Variants in SKOR1 observed in about 807,000 individuals in gnomAD.
SKOR1 encodes the protein SKI family transcriptional corepressor 1, also known as LBX1 corepressor 1.
SKOR1 carries 38 observed loss-of-function variants against 72.4 expected under a neutral mutation model. The observed-to-expected ratio is 0.52, with a 90% CI of 0.40 to 0.69. SKOR1 has a LOEUF of 0.69. SKOR1 is among the 30% of genes least tolerant of loss of function. The pLI, the probability that SKOR1 is intolerant of heterozygous loss-of-function variation, is 0.00. For missense variants in SKOR1, 1,320 were observed against 1,343.2 expected (o/e 0.98, Z 0.27); for synonymous variants, 642 against 599.4 (o/e 1.07, Z -1.04).
chr15:67,830,119 C>A, intron 3 of SKOR1, 72 bp from the exon 4 acceptor site: 1 of 1,512,044 alleles, frequency 6.6e-7, no homozygotes, highest in Non-Finnish European at 9.2e-7. Flanking sequence ...GGCGCCCCGA[C>A]CGCGGCAGCT....
At chr15:67,828,882 G>T (rs927773138) in intron 2 of SKOR1, among the ~76,000 whole-genome samples, 1 of 152,236 alleles carries the variant, frequency 6.6e-6, no homozygotes, top group African/African-American at 2.4e-5. Flanking sequence ...GGGCACTGGC[G>T]GGAGGGAAAA....
rs780509897 is a variant in SKOR1, at chr15:67,827,113, G to A, written c.1285G>A (p.Gly429Ser). ...PKGGPGTGSG[G>S]GGAGTGGGAG... is the part of the protein sequence containing the mutation. The stretch of plus-strand genomic sequence containing the variant: ...GGGCGGTCCTGGCACTGGGAGCGGC[G>A]GCGGCGGCGCGGGGACAGGCGGGGG... Residue 429 changes from glycine to serine, a missense_variant, in exon 2 of 9, where the codon GGC becomes AGC. Gly to Ser is a moderately conservative substitution (Grantham distance 56). Transcript: ENST00000380035. 2 of 1,426,622 alleles carry A rather than the reference G, an allele frequency of 1.4e-6. No homozygotes were observed. The highest frequency in any genetic ancestry group is 2.7e-5 in the East Asian group (1 of 37,280). The allele number at this position is 1,426,622 out of a possible 1,614,324, so 88.4% of individuals were successfully genotyped here. A position where few individuals can be genotyped will look rare whatever the true frequency, so the allele number is the denominator to read the frequency against.
rs2090960580 is a variant in SKOR1, at chr15:67,826,670, C to A, written c.842C>A (p.Ser281Tyr). ...GGCGGCACGCGCAAGCGGACCTTCTCCCTACAAGGAGGCGGCGGAGGCGGT... is the reference window on the plus strand; with the variant it reads ...GGCGGCACGCGCAAGCGGACCTTCTACCTACAAGGAGGCGGCGGAGGCGGT... Reference protein sequence around the residue: ...FNGGTRKRTFSLQGGGGGGAN... With the variant: ...FNGGTRKRTFYLQGGGGGGAN... The change falls in exon 2 of 9, where the codon TCC becomes TAC. Residue 281 changes from serine to tyrosine, a missense_variant. Coordinates refer to ENST00000380035, the MANE Select transcript of SKOR1 (RefSeq NM_001365915.1). 1.3e-6 allele frequency: 2 copies of A among 1,598,134 alleles called. No individual in the cohort carries two copies. Among genetic ancestry groups the A allele is most frequent in the East Asian group, 2.3e-5 (1 of 43,984 alleles).
chr15:67,832,720 A>G lies in SKOR1; in HGVS notation c.2737+39A>G. ...CAGGTGAGCTCGTGCACGGGCCGTAACTGCCTCTCGTCTGGCAGGAGCCGC... is the reference window on the plus strand; with the variant it reads ...CAGGTGAGCTCGTGCACGGGCCGTAGCTGCCTCTCGTCTGGCAGGAGCCGC... On this transcript the variant is annotated intron_variant, in intron 7 of 8. Transcript: ENST00000380035. The surrounding 1 kb of genome is among the most constrained non-coding windows in gnomAD (Gnocchi z 4.5). 6.4e-7 allele frequency: 1 copy of G among 1,556,106 alleles called. No homozygotes were observed. Among genetic ancestry groups the G allele is most frequent in the Non-Finnish European group, 8.9e-7 (1 of 1,127,708 alleles).
At position 67,827,482 on chromosome 15, in the gene SKOR1, C is replaced by A. The variant is rs762082299; in HGVS notation, c.1654C>A (p.Arg552Ser). The change falls in exon 2 of 9, where the codon CGC becomes AGC. Residue 552 changes from arginine (R) to serine (S), a missense_variant. By Grantham distance (110) the Arg-to-Ser change is moderately radical. Transcript: ENST00000380035. ...AKESGLGAEE[R>S]CPSALSRGPL... ...AGAGAGTGGCCTCGGCGCGGAGGAG[C>A]GCTGCCCGAGCGCTCTGTCCCGCGG... The A allele has an allele frequency of 7.2e-6, 11 of 1,521,610 alleles. No individual in the cohort carries two copies. Among genetic ancestry groups the A allele is most frequent in the South Asian group, 4.8e-5 (4 of 82,800 alleles). 94.3% of individuals were successfully genotyped at this position (1,521,610 alleles called of 1,614,324 possible). A position where few individuals can be genotyped will look rare whatever the true frequency, so the allele number is the denominator to read the frequency against.
At chr15:67,828,273 T>C in intron 2 of SKOR1, 129 bp downstream of exon 2, 2 of 1,335,278 alleles carry the variant, frequency 1.5e-6, no homozygotes, top group African/African-American at 3.1e-5. Flanking sequence ...TCGGCCACTC[T>C]CCGCAGGCCC....
Position 67,825,854 on chromosome 15 carries a change from GGA to G in SKOR1, c.108-80_108-79del. 6.6e-7 allele frequency: 1 copy of G among 1,514,324 alleles called. No individual in the cohort carries two copies. Among genetic ancestry groups the G allele is most frequent in the Non-Finnish European group, 8.8e-7 (1 of 1,138,506 alleles). 93.8% of individuals were successfully genotyped at this position (1,514,324 alleles called of 1,614,324 possible). A position where few individuals can be genotyped will look rare whatever the true frequency, so the allele number is the denominator to read the frequency against. ...CAAGTATCCCCCGCGCGCCCAACTC[GGA>G]GCGCCCTGCTGGGCGGGCCCGAGCC... On this transcript the variant is annotated intron_variant, in intron 1 of 8. Coordinates refer to ENST00000380035, the MANE Select transcript of SKOR1 (RefSeq NM_001365915.1). This position sits in a 1 kb window ranked among gnomAD's most constrained non-coding sequence, Gnocchi z 5.6.
At position 67,827,483 on chromosome 15, in the gene SKOR1, G is replaced by C. The variant is rs1159639140; in HGVS notation, c.1655G>C (p.Arg552Pro). The C allele has an allele frequency of 6.6e-7, 1 of 1,521,316 alleles. No homozygotes were observed. Among genetic ancestry groups the C allele is most frequent in the African/African-American group, 1.4e-5 (1 of 70,516 alleles). The allele number at this position is 1,521,316 out of a possible 1,614,324, so 94.2% of individuals were successfully genotyped here. A position where few individuals can be genotyped will look rare whatever the true frequency, so the allele number is the denominator to read the frequency against. The change falls in exon 2 of 9, where the codon CGC (arginine) becomes CCC (proline). Residue 552 changes from arginine (R) to proline (P), a missense_variant. Physicochemically the swap from Arg to Pro is moderately radical, Grantham distance 103. This residue lies in a region of SKOR1 where 1,099 missense variants were observed against 1,025.5 expected (regional missense o/e 1.07). Transcript: ENST00000380035. ...GAGAGTGGCCTCGGCGCGGAGGAGC[G>C]CTGCCCGAGCGCTCTGTCCCGCGGG... The part of the protein sequence containing the change: ...AKESGLGAEE[R>P]CPSALSRGPL...
In SKOR1 at chr15:67,832,233, C is replaced by T; in HGVS notation, c.2588-41C>T. The T allele has an allele frequency of 6.3e-7, 1 of 1,596,316 alleles. No individual in the cohort carries two copies. Among genetic ancestry groups the T allele is most frequent in the South Asian group, 1.1e-5 (1 of 90,584 alleles). On this transcript the variant is annotated intron_variant, in intron 5 of 8. Transcript: ENST00000380035. The surrounding 1 kb of genome is among the most constrained non-coding windows in gnomAD (Gnocchi z 4.5). ...AGAACCTGAGCTCCAAATAACCCTG[C>T]TTTACCTCCCACTTTACCTCCCACT... is the stretch of plus-strand genomic sequence containing the variant.
chr15:67,831,924 G>C (rs1433742342), intron 5 of SKOR1, among the ~76,000 whole-genome samples: 4 of 143,334 alleles, frequency 2.8e-5, no homozygotes, highest in African/African-American at 1.1e-4. Flanking sequence ...GGTCGGGGCC[G>C]GGGCGGGGGC....
At position 67,833,645 on chromosome 15, in the gene SKOR1, C is replaced by A; in HGVS notation, c.2804-97C>A. The A allele has an allele frequency of 7.7e-7, 1 of 1,303,108 alleles. No individual in the cohort carries two copies. Among genetic ancestry groups the A allele is most frequent in the Non-Finnish European group, 1.1e-6 (1 of 904,160 alleles). The allele number at this position is 1,303,108 out of a possible 1,614,324, so 80.7% of individuals were successfully genotyped here. On this transcript the variant is annotated intron_variant, in intron 8 of 8. Coordinates refer to ENST00000380035, the MANE Select transcript of SKOR1 (RefSeq NM_001365915.1). The surrounding 1 kb of genome is among the most constrained non-coding windows in gnomAD (Gnocchi z 6.0). ...CCGCTCGGTTGAGATTCCCTGACCC[C>A]AAAGGGTTGGTAAGGCCGGGGAGGG...
chr15:67,830,891 T>G lies in SKOR1; in HGVS notation c.2587+2T>G. ...AAGATATCGAGAACCTGGCCAGAGG[T>G]GAGGATAAATTTGTGAAAAAGGTGT... On this transcript the variant is annotated splice_donor_variant, in intron 5 of 8. Coordinates refer to ENST00000380035, the MANE Select transcript of SKOR1 (RefSeq NM_001365915.1). LOFTEE classifies it high-confidence loss of function. 6.2e-7 allele frequency: 1 copy of G among 1,613,684 alleles called. No homozygotes were observed. Among genetic ancestry groups the G allele is most frequent in the Non-Finnish European group, 8.5e-7 (1 of 1,179,852 alleles).
In SKOR1 at chr15:67,834,176, G is replaced by A; in HGVS notation, c.*340G>A. On this transcript the variant is annotated 3_prime_UTR_variant, in exon 9 of 9. Coordinates refer to ENST00000380035, the MANE Select transcript of SKOR1 (RefSeq NM_001365915.1). This position sits in a 1 kb window ranked among gnomAD's most constrained non-coding sequence, Gnocchi z 5.8. The stretch of plus-strand genomic sequence containing the variant: ...CCTCCCATTGTATAGCCTTGAACCC[G>A]ATTGTGAATACAATGTAGCAACTTC... 7 of 383,950 alleles carry A rather than the reference G, an allele frequency of 1.8e-5. No individual in the cohort carries two copies. Among genetic ancestry groups the A allele is most frequent in the Non-Finnish European group, 3.5e-5 (7 of 201,838 alleles). 23.8% of individuals were successfully genotyped at this position (383,950 alleles called of 1,614,324 possible).
chr15:67,832,859 C>A lies in SKOR1; in HGVS notation c.2737+178C>A. 1 of 616,414 alleles carries A rather than the reference C, an allele frequency of 1.6e-6. No homozygotes were observed. Among genetic ancestry groups the A allele is most frequent in the East Asian group, 2.8e-5 (1 of 36,302 alleles). 38.2% of individuals were successfully genotyped at this position (616,414 alleles called of 1,614,324 possible). On this transcript the variant is annotated intron_variant, in intron 7 of 8. Transcript: ENST00000380035. This position sits in a 1 kb window ranked among gnomAD's most constrained non-coding sequence, Gnocchi z 4.5. ...CAGAATGGCAAGCGAGCCCAGCAAA[C>A]GGCTTGCAGGCATCATTACATGGAG...
chr15:67,829,628 G>A (rs2090992656), intron 3 of SKOR1, among the ~76,000 whole-genome samples: 5 of 152,238 alleles, frequency 3.3e-5, no homozygotes, highest in Admixed American at 1.3e-4. Flanking sequence ...GATCGGGGCG[G>A]AGGATGGGGG....
chr15:67,831,025 TC>T, intron 5 of SKOR1, 136 bp downstream of exon 5: 1 of 834,320 alleles, frequency 1.2e-6, no homozygotes, highest in Admixed American at 2.1e-5. Context: ...AGTTTTCCTT[TC>T]TTTGGGTGGA....
intron 5 of SKOR1, among the ~76,000 whole-genome samples, chr15:67,831,903 C>CA (rs1476265010): frequency 3.5e-5 from 1 of 28,736 alleles, no homozygotes; most frequent in South Asian, 1.2e-3. Context: ...GGCGGCGGTG[C>CA]GGGGGGGGGA....
chr15:67,826,904 G>T lies in SKOR1; in HGVS notation c.1076G>T (p.Gly359Val). 2 of 1,552,476 alleles carry T rather than the reference G, an allele frequency of 1.3e-6. No individual in the cohort carries two copies. Among genetic ancestry groups the T allele is most frequent in the Non-Finnish European group, 1.7e-6 (2 of 1,155,606 alleles). The change falls in exon 2 of 9, where the codon GGC (glycine) becomes GTC (valine). Residue 359 changes from glycine to valine, a missense_variant. Transcript: ENST00000380035. Reference protein sequence around the residue: ...GLATGASGPAGPGGPGGGAGV... With the variant: ...GLATGASGPAVPGGPGGGAGV... ...GCGACTGGAGCTAGTGGCCCGGCGG[G>T]CCCAGGAGGGCCCGGTGGCGGCGCC...
Position 67,833,178 on chromosome 15 carries a change from C to G in SKOR1, c.2738-14C>G. Reference sequence around the variant, plus strand: ...GTCTGCGTTTCCTCACTGGCCCCTCCCCTTGTCTTCCAGATACCCTGTGTA... The same window carrying G: ...GTCTGCGTTTCCTCACTGGCCCCTCGCCTTGTCTTCCAGATACCCTGTGTA... On this transcript the variant is annotated splice_polypyrimidine_tract_variant and intron_variant, in intron 7 of 8. Coordinates refer to ENST00000380035, the MANE Select transcript of SKOR1 (RefSeq NM_001365915.1). The surrounding 1 kb of genome is among the most constrained non-coding windows in gnomAD (Gnocchi z 6.0). The G allele has an allele frequency of 6.2e-7, 1 of 1,614,054 alleles. No individual in the cohort carries two copies. Among genetic ancestry groups the G allele is most frequent in the East Asian group, 2.2e-5 (1 of 44,870 alleles).
Sources: gnomAD v4.1 joint callset for allele counts (sites outside exome capture counted in the v4.1 genomes callset) on GRCh38, gnomAD v4.1.1 for gene constraint, gnomAD v4.1.1 regional missense constraint, Gnocchi (gnomAD v3.1) non-coding constraint, MANE v1.5 for transcripts, NCBI Gene and HGNC (gene_info 2026-07-23, HGNC 2026-07-21) for gene names.